The following ATF7IP2 variants were observed in gnomAD, a reference collection of about 807,000 sequenced individuals.
ATF7IP2 encodes activating transcription factor 7 interacting protein 2.
A neutral mutation model predicts 64.2 loss-of-function variants in ATF7IP2; 42 were observed. The ratio of observed to expected loss-of-function variants is 0.65; its 90% CI spans 0.51 to 0.85. ATF7IP2 has a LOEUF of 0.85. Among genes scored for constraint, ATF7IP2 ranks in the 40% least tolerant of loss-of-function variants. The pLI is 0.00. For synonymous variants in ATF7IP2, 308 were observed against 272.8 expected, an observed-to-expected ratio of 1.13 and a Z score of -1.27; for missense variants, 933 against 784.2, an observed-to-expected ratio of 1.19 and a Z score of -2.27.
At chr16:10,398,769 G>A (rs1418526060) in intron 1 of ATF7IP2, among the ~76,000 whole-genome samples, 1 of 152,010 alleles carries the variant, frequency 6.6e-6, no homozygotes, top group Non-Finnish European at 1.5e-5. Flanking sequence ...TGGGGGGTGG[G>A]GTTGAATAGA....
intron 1 of ATF7IP2, among the ~76,000 whole-genome samples, chr16:10,407,189 A>T (rs755570185): frequency 6.6e-5 from 10 of 152,230 alleles, no homozygotes; most frequent in Non-Finnish European, 8.8e-5. Context: ...TACATGATAA[A>T]AACCCTCAAG....
At chr16:10,469,037 A>T (rs1200266412) in intron 9 of ATF7IP2, among the ~76,000 whole-genome samples, 1 of 152,186 alleles carries the variant, frequency 6.6e-6, no homozygotes, top group Non-Finnish European at 1.5e-5. Context: ...ACAAAGTCTA[A>T]CACTCTTCTG....
chr16:10,449,765 T>A (rs1219325076), intron 8 of ATF7IP2: 1 of 152,162 alleles, frequency 6.6e-6, no homozygotes, highest in African/African-American at 2.4e-5. Flanking sequence ...GCTCCTGGAT[T>A]CATTGATTTT....
chr16:10,480,743 G>A, intron 12 of ATF7IP2, 136 bp from the exon 13 acceptor site: 1 of 702,052 alleles, frequency 1.4e-6, no homozygotes, highest in Non-Finnish European at 2.4e-6. Context: ...TTAATTAAAA[G>A]TGTATCTTCA....
intron 9 of ATF7IP2, among the ~76,000 whole-genome samples, chr16:10,467,014 G>A (rs1015874192): frequency 6.6e-6 from 1 of 151,796 alleles, no homozygotes; most frequent in African/African-American, 2.4e-5. Context: ...GAGGCTGTAA[G>A]TGATATCTTG....
Position 10,481,985 on chromosome 16 carries a change from T to A in ATF7IP2, c.1785T>A (p.Thr595=). The change falls in exon 14 of 14, where the codon ACT becomes ACA. Residue 595 remains threonine (T), a synonymous_variant. Coordinates refer to ENST00000562102, the MANE Select transcript of ATF7IP2 (RefSeq NM_001393719.1). ...TCAGACCCAATGGCATTGCCCTGAC[T>A]TGGAATATAACCAAAATCAATCCCA... The part of the protein sequence containing the change: ...RVFRPNGIAL[T]WNITKINPKC... 1 of 1,614,082 alleles carries A rather than the reference T, an allele frequency of 6.2e-7. No homozygotes were observed. Among genetic ancestry groups the A allele is most frequent in the East Asian group, 2.2e-5 (1 of 44,870 alleles).
chr16:10,453,641 G>C, intron 8 of ATF7IP2, among the ~76,000 whole-genome samples: 1 of 152,126 alleles, frequency 6.6e-6, no homozygotes, highest in East Asian at 1.9e-4. Flanking sequence ...TTTTGAGATG[G>C]AGTTTCAGTC....
In ATF7IP2 at chr16:10,457,489, A is replaced by G. The variant is rs2049214650; in HGVS notation, c.1312A>G (p.Ile438Val). 6.3e-7 allele frequency: 1 copy of G among 1,597,394 alleles called. No homozygotes were observed. Among genetic ancestry groups the G allele is most frequent in the South Asian group, 1.2e-5 (1 of 85,656 alleles). ...SNPSEKGSKK[I>V]NLSSDQNKSV... is the part of the protein sequence containing the mutation. ...CCCTTCCGAAAAAGGAAGTAAAAAA[A>G]TTAATTTGTCATCAGATCAAAATAA... Residue 438 changes from isoleucine (I) to valine (V), a missense_variant, in exon 9 of 14, where the codon ATT (isoleucine) becomes GTT (valine). Physicochemically the swap from Ile to Val is conservative, Grantham distance 29. Coordinates refer to ENST00000562102, the MANE Select transcript of ATF7IP2 (RefSeq NM_001393719.1).
In ATF7IP2 at chr16:10,414,629, GT is replaced by G; in HGVS notation, c.-203+18del. On this transcript the variant is annotated intron_variant, in intron 2 of 13. Transcript: ENST00000562102. ...CCACTGCTGGTGAGCTAGTGTGATT[GT>G]GTGTGTGTGTGTGTGTGTGTGTGTG... is the stretch of plus-strand genomic sequence containing the variant. 2 of 63,256 alleles carry G rather than the reference GT, an allele frequency of 3.2e-5. No individual in the cohort carries two copies. Among genetic ancestry groups the G allele is most frequent in the African/African-American group, 4.8e-4 (2 of 4,154 alleles). The allele number at this position is 63,256 out of a possible 1,614,324, so 3.9% of individuals were successfully genotyped here.
intron 6 of ATF7IP2, among the ~76,000 whole-genome samples, chr16:10,436,186 A>G (rs1276529019): frequency 6.6e-6 from 1 of 152,100 alleles, no homozygotes; most frequent in African/African-American, 2.4e-5. Context: ...CAATGGTGAA[A>G]CCCTGTCTCG....
chr16:10,422,626 A>G (rs117967033), intron 3 of ATF7IP2, among the ~76,000 whole-genome samples: 1,992 of 152,348 alleles, frequency 0.013, 19 homozygotes, highest in Non-Finnish European at 0.021. Flanking sequence ...GAGGACAGCC[A>G]GTGCTGTAGA....
rs1447277232 is a variant in ATF7IP2 at position 10,440,280 on chromosome 16, A to G, written c.1096-84A>G. Reference sequence around the variant, plus strand: ...GTAGATGTCTAGGTCTTACAAAACTACTTTGGCAAATAATTTACCCTCTAT... The same window carrying G: ...GTAGATGTCTAGGTCTTACAAAACTGCTTTGGCAAATAATTTACCCTCTAT... On this transcript the variant is annotated intron_variant, in intron 7 of 13. Transcript: ENST00000562102. 8 of 623,080 alleles carry G rather than the reference A, an allele frequency of 1.3e-5. No individual in the cohort carries two copies. In the East Asian group the frequency reaches 2.2e-4, roughly 18 times the overall value. 38.6% of individuals were successfully genotyped at this position (623,080 alleles called of 1,614,324 possible).
rs1240634761 is a variant in ATF7IP2, at chr16:10,406,070, CAG to C, written c.-241-8501_-241-8500del. 3.3e-5 allele frequency among the ~76,000 whole-genome samples: 5 copies of C among 150,564 alleles called. No individual in the cohort carries two copies. The South Asian group carries it at 1.1e-3, about 32-fold the overall frequency. ...TGCCACTGCACTCCAGCCTGGGCGACAGAGTGAGAATCTGTCTCAAAAAAAAA... is the reference window on the plus strand; with the variant it reads ...TGCCACTGCACTCCAGCCTGGGCGACAGTGAGAATCTGTCTCAAAAAAAAA... On this transcript the variant is annotated intron_variant, in intron 1 of 13. Coordinates refer to ENST00000562102, the MANE Select transcript of ATF7IP2 (RefSeq NM_001393719.1).
chr16:10,441,333 C>T (rs1000134495), intron 8 of ATF7IP2, among the ~76,000 whole-genome samples: 6 of 152,216 alleles, frequency 3.9e-5, no homozygotes, highest in African/African-American at 1.2e-4. Flanking sequence ...GCCACACTGT[C>T]TTCCACAATG....
chr16:10,451,816 T>C (rs779030423), intron 8 of ATF7IP2, among the ~76,000 whole-genome samples: 71 of 151,982 alleles, frequency 4.7e-4, no homozygotes, highest in Non-Finnish European at 1.8e-4. Flanking sequence ...CCCAGCACTT[T>C]GAGAGGTCGA....
rs1440354596 is a variant in ATF7IP2 at position 10,447,268 on chromosome 16, T to G, written c.1194+6806T>G. On this transcript the variant is annotated intron_variant, in intron 8 of 13. Transcript: ENST00000562102. The stretch of plus-strand genomic sequence containing the variant: ...TACCTGGTCGCCACAGTATTTGTAG[T>G]CCTTGTCTTCTCGCGTTGCTGAGAT... 5 of 152,274 alleles carry G rather than the reference T, an allele frequency of 3.3e-5. No homozygotes were observed. The South Asian group carries it at 1.0e-3, about 32-fold the overall frequency. The allele number at this position is 152,274 out of a possible 1,614,324, so 9.4% of individuals were successfully genotyped here.
At chr16:10,435,726 T>C (rs1003531442) in intron 6 of ATF7IP2, among the ~76,000 whole-genome samples, 1 of 152,220 alleles carries the variant, frequency 6.6e-6, no homozygotes, top group Non-Finnish European at 1.5e-5. Flanking sequence ...TGTTGTAGGC[T>C]ACTGCTTTCT....
intron 8 of ATF7IP2, among the ~76,000 whole-genome samples, chr16:10,450,662 G>T (rs192990348): frequency 0.016 from 2,383 of 150,812 alleles, 92 homozygotes; most frequent in Admixed American, 0.075. Flanking sequence ...TTTTCCATTT[G>T]CTTGGTAGAT....
intron 8 of ATF7IP2, chr16:10,446,621 TGGTTCCTG>T (rs1456781330): frequency 6.6e-6 from 1 of 152,352 alleles, no homozygotes; most frequent in East Asian, 1.9e-4. Context: ...GTTCGAGGAT[TGGTTCCTG>T]GGTCCGAATG....
Sources: allele counts gnomAD v4.1 joint callset (sites outside exome capture counted in the v4.1 genomes callset), GRCh38; gene constraint gnomAD v4.1.1; transcripts MANE v1.5; gene names NCBI Gene and HGNC (gene_info 2026-07-23, HGNC 2026-07-21).